IQCJ: variants seen among roughly 807,000 people sequenced by gnomAD.
IQCJ encodes the protein IQ domain-containing protein J.
In IQCJ, 9 loss-of-function variants were observed where a neutral mutation model predicts 11.0. That is an observed-to-expected ratio of 0.82 (90% CI 0.49 to 1.43). The LOEUF (loss-of-function observed/expected upper bound fraction) is 1.43. IQCJ is among the 40% of genes most tolerant of loss of function. The pLI is 0.00. For missense variants in IQCJ, 146 were observed against 133.2 expected (o/e 1.10, Z -0.47); for synonymous variants, 55 against 51.3 (o/e 1.07, Z -0.31).
At chr3:159,243,980 G>A (rs949011497) in intron 1 of IQCJ, among the ~76,000 whole-genome samples, 17 of 152,210 alleles carry the variant, frequency 1.1e-4, no homozygotes, top group Middle Eastern at 3.2e-3. Context: ...GAAGAAATGA[G>A]TAAAGTCTGG....
At chr3:159,233,292 G>GT (rs1390313979) in intron 1 of IQCJ, among the ~76,000 whole-genome samples, 1 of 152,132 alleles carries the variant, frequency 6.6e-6, no homozygotes, top group African/African-American at 2.4e-5. Flanking sequence ...TATCTGCTAG[G>GT]TGAGGGGGGT....
chr3:159,244,817 T>C (rs1344644857), intron 1 of IQCJ, among the ~76,000 whole-genome samples: 1 of 152,054 alleles, frequency 6.6e-6, no homozygotes, highest in East Asian at 1.9e-4. Flanking sequence ...GTCCTGATGG[T>C]CTTTTGGATG....
At chr3:159,221,759 T>C (rs1301927603) in intron 1 of IQCJ, among the ~76,000 whole-genome samples, 1 of 151,332 alleles carries the variant, frequency 6.6e-6, no homozygotes, top group East Asian at 1.9e-4. Flanking sequence ...TCTCTTCCAA[T>C]ATGGTGGGCT....
intron 1 of IQCJ, among the ~76,000 whole-genome samples, chr3:159,125,998 A>C (rs1577025219): frequency 6.6e-6 from 1 of 152,226 alleles, no homozygotes; most frequent in African/African-American, 2.4e-5. Context: ...GGCTTCTCCC[A>C]GAAAGTTATG....
At chr3:159,093,012 A>G (rs1717447734) in intron 1 of IQCJ, among the ~76,000 whole-genome samples, 1 of 151,748 alleles carries the variant, frequency 6.6e-6, no homozygotes, top group South Asian at 2.1e-4. Context: ...TCTCAAGGTT[A>G]TGATAGTTCA....
chr3:159,193,528 C>G (rs1024478050), intron 1 of IQCJ, among the ~76,000 whole-genome samples: 1 of 152,180 alleles, frequency 6.6e-6, no homozygotes, highest in African/African-American at 2.4e-5. Flanking sequence ...CTGCTTCACT[C>G]TAAAGTGGTT....
At chr3:159,087,955 T>C (rs972184604) in intron 1 of IQCJ, among the ~76,000 whole-genome samples, 2 of 149,722 alleles carry the variant, frequency 1.3e-5, no homozygotes, top group African/African-American at 4.9e-5. Context: ...TCTTGCCTTC[T>C]GCTAGCTTTT....
At chr3:159,225,224 A>G (rs1418489648) in intron 1 of IQCJ, among the ~76,000 whole-genome samples, 1 of 152,250 alleles carries the variant, frequency 6.6e-6, no homozygotes, top group Non-Finnish European at 1.5e-5. Context: ...TAAAAAAGGT[A>G]CTATTCATAC....
chr3:159,094,281 C>A (rs747229220), intron 1 of IQCJ, among the ~76,000 whole-genome samples: 9 of 151,520 alleles, frequency 5.9e-5, no homozygotes, highest in Non-Finnish European at 1.2e-4. Flanking sequence ...TTAGATATTA[C>A]AGATATTGTA....
chr3:159,151,847 G>C (rs1721246047), intron 1 of IQCJ, among the ~76,000 whole-genome samples: 1 of 151,744 alleles, frequency 6.6e-6, no homozygotes, highest in African/African-American at 2.4e-5. Flanking sequence ...GTGTTAGCCA[G>C]ATGGTCTCAA....
Position 159,092,514 on chromosome 3 carries a change from A to C in IQCJ, c.9+23073A>C, listed in dbSNP as rs571317460. On this transcript the variant is annotated intron_variant, in intron 1 of 3. Transcript: ENST00000397832. The stretch of plus-strand genomic sequence containing the variant: ...GGAGATGGAGACAATCCTGGCTAAC[A>C]CGGTGAAACCCCCTCTCTACTAAAA... 2.2e-4 allele frequency among the ~76,000 whole-genome samples: 33 copies of C among 151,906 alleles called. 1 individual carries two copies. Among genetic ancestry groups the C allele is most frequent in the South Asian group, 1.2e-3 (6 of 4,824 alleles).
At chr3:159,259,401 T>G (rs1470538369) in intron 3 of IQCJ, among the ~76,000 whole-genome samples, 1 of 152,134 alleles carries the variant, frequency 6.6e-6, no homozygotes, top group African/African-American at 2.4e-5. Flanking sequence ...TTATAATGAA[T>G]AGCATTGTCT....
At chr3:159,226,386 T>C (rs1227816844) in intron 1 of IQCJ, among the ~76,000 whole-genome samples, 1 of 152,162 alleles carries the variant, frequency 6.6e-6, no homozygotes, top group Admixed American at 6.5e-5. Flanking sequence ...GAAGTTCTTA[T>C]GTATGGAGCC....
At chr3:159,234,960 A>G (rs909672110) in intron 1 of IQCJ, among the ~76,000 whole-genome samples, 2 of 152,182 alleles carry the variant, frequency 1.3e-5, no homozygotes, top group African/African-American at 4.8e-5. Flanking sequence ...AGGTATAAAC[A>G]ATTTGGGAGT....
rs1577125740 is a variant in IQCJ at position 159,263,087 on chromosome 3, T to G, written c.*356T>G. 9.0e-6 allele frequency: 9 copies of G among 996,212 alleles called. No individual in the cohort carries two copies. In the East Asian group the frequency reaches 9.3e-4, roughly 103 times the overall value. The allele number at this position is 996,212 out of a possible 1,614,324, so 61.7% of individuals were successfully genotyped here. A position where few individuals can be genotyped will look rare whatever the true frequency, so the allele number is the denominator to read the frequency against. ...GAACTTTTACCAGAAGAATTGAAAG[T>G]GGTCACACACTCAGGGGTTGCAACT... is the stretch of plus-strand genomic sequence containing the variant. On this transcript the variant is annotated 3_prime_UTR_variant, in exon 4 of 4. Transcript: ENST00000397832.
chr3:159,241,869 AG>A (rs1416337151), intron 1 of IQCJ, among the ~76,000 whole-genome samples: 8 of 152,244 alleles, frequency 5.3e-5, no homozygotes, highest in African/African-American at 1.9e-4. Flanking sequence ...GAAGTGATGA[AG>A]GTCATAAAGA....
At chr3:159,247,113 T>C (rs933298212) in intron 2 of IQCJ, among the ~76,000 whole-genome samples, 3 of 152,214 alleles carry the variant, frequency 2.0e-5, no homozygotes, top group Non-Finnish European at 2.9e-5. Context: ...TTTTATTTTT[T>C]TGAGGTGGAG....
chr3:159,139,107 G>A (rs563027346), intron 1 of IQCJ, among the ~76,000 whole-genome samples: 74 of 152,012 alleles, frequency 4.9e-4, no homozygotes, highest in African/African-American at 1.6e-3. Flanking sequence ...TTATAAAATG[G>A]ATTTACCTGA....
At chr3:159,083,141 T>C (rs1421368804) in intron 1 of IQCJ, among the ~76,000 whole-genome samples, 1 of 152,132 alleles carries the variant, frequency 6.6e-6, no homozygotes, top group Non-Finnish European at 1.5e-5. Flanking sequence ...ACTTTTGTTC[T>C]GTGAAAGACC....
Sources: allele counts gnomAD v4.1 joint callset (sites outside exome capture counted in the v4.1 genomes callset), GRCh38; gene constraint gnomAD v4.1.1; transcripts MANE v1.5; gene names NCBI Gene and HGNC (gene_info 2026-07-23, HGNC 2026-07-21).